BAZ2B: variants seen among roughly 807,000 people sequenced by gnomAD.
BAZ2B encodes the protein bromodomain adjacent to zinc finger domain 2B.
A neutral mutation model predicts 246.0 loss-of-function variants in BAZ2B; 91 were observed. That is an observed-to-expected ratio of 0.37 (90% CI 0.31 to 0.44). BAZ2B has a LOEUF of 0.44. BAZ2B is among the 20% of genes least tolerant of loss of function. The pLI, the probability that BAZ2B is intolerant of heterozygous loss-of-function variation, is 1.00. For synonymous variants in BAZ2B, 855 were observed against 860.0 expected (o/e 0.99, Z 0.10); for missense variants, 2,332 against 2,533.7 (o/e 0.92, Z 1.71).
chr2:159,416,246 A>G (rs1389362643), intron 13 of BAZ2B, among the ~76,000 whole-genome samples: 1 of 152,230 alleles, frequency 6.6e-6, no homozygotes, highest in African/African-American at 2.4e-5. Flanking sequence ...AATTTTAAAA[A>G]TTAATTCTGA....
intron 27 of BAZ2B, among the ~76,000 whole-genome samples, chr2:159,368,735 T>A (rs1199741053): frequency 6.6e-6 from 1 of 151,990 alleles, no homozygotes; most frequent in African/African-American, 2.4e-5. Context: ...GAAGAATTCA[T>A]ATACAGCTTA....
intron 1 of BAZ2B, among the ~76,000 whole-genome samples, chr2:159,583,370 C>T (rs748514713): frequency 3.3e-5 from 5 of 152,202 alleles, no homozygotes; most frequent in Non-Finnish European, 5.9e-5. Context: ...CTGCCTCAGC[C>T]TCCCAAAGTG....
In BAZ2B at chr2:159,354,477, A is replaced by G. The variant is rs560088331; in HGVS notation, c.4214-4120T>C. Among the ~76,000 whole-genome samples, 11 of 152,140 alleles carry G rather than the reference A, an allele frequency of 7.2e-5. No individual in the cohort carries two copies. In the South Asian group the frequency reaches 2.3e-3, roughly 32 times the overall value. ...CTGATTCTCCTGCCTCAGTCTCCCA[A>G]GTAGCTGAGACTAGAGGCACGTGCC... On this transcript the variant is annotated intron_variant, in intron 27 of 36. Transcript: ENST00000392783.
chr2:159,647,375 G>A, the BAZ2B span, among the ~76,000 whole-genome samples: 1 of 152,102 alleles, frequency 6.6e-6, no homozygotes, highest in Non-Finnish European at 1.5e-5. Context: ...CAATAGTTAG[G>A]CAGGAGTCGT....
rs1242190361 is a variant in BAZ2B, at chr2:159,521,711, A to G, written c.-3+34112T>C. On this transcript the variant is annotated intron_variant, in intron 2 of 36. Transcript: ENST00000392783. ...CTTTTTATTCATCACATTTATTTTCAATGTAAATTCCAATTGTTCTGCTTC... is the reference window on the plus strand; with the variant it reads ...CTTTTTATTCATCACATTTATTTTCGATGTAAATTCCAATTGTTCTGCTTC... Among the ~76,000 whole-genome samples the G allele has an allele frequency of 7.2e-5, 11 of 152,184 alleles. No homozygotes were observed. The East Asian group carries it at 1.9e-3, about 27-fold the overall frequency.
At chr2:159,672,142 C>T in the BAZ2B span, among the ~76,000 whole-genome samples, 55 of 151,996 alleles carry the variant, frequency 3.6e-4, no homozygotes, top group African/African-American at 1.2e-3. Context: ...TTGTATAAGA[C>T]GTGAGAATAG....
chr2:159,592,712 C>T (rs1427297974), intron 1 of BAZ2B, among the ~76,000 whole-genome samples: 5 of 152,160 alleles, frequency 3.3e-5, no homozygotes, highest in Non-Finnish European at 7.4e-5. Context: ...ACTATATGAG[C>T]TTGGAAGCAG....
intron 2 of BAZ2B, among the ~76,000 whole-genome samples, chr2:159,518,829 G>A (rs1559676456): frequency 6.6e-6 from 1 of 152,156 alleles, no homozygotes; most frequent in Admixed American, 6.5e-5. Context: ...CAGCTCCTTA[G>A]CAATCAAAGT....
intron 3 of BAZ2B, among the ~76,000 whole-genome samples, chr2:159,470,138 A>G (rs187611790): frequency 4.4e-4 from 67 of 152,354 alleles, no homozygotes; most frequent in African/African-American, 1.4e-3. Context: ...TGGCTTAACT[A>G]TAAAAAAATT....
At chr2:159,488,628 T>G (rs1355184118) in intron 2 of BAZ2B, among the ~76,000 whole-genome samples, 1 of 152,228 alleles carries the variant, frequency 6.6e-6, no homozygotes, top group Non-Finnish European at 1.5e-5. Flanking sequence ...CATTGGTTTT[T>G]TATATGTTTC....
chr2:159,463,972 G>C (rs1045090058), intron 3 of BAZ2B: 4 of 71,484 alleles, frequency 5.6e-5, no homozygotes, highest in Non-Finnish European at 2.0e-4. Flanking sequence ...CCAAAGTGCT[G>C]GGATTACAAG....
intron 1 of BAZ2B, among the ~76,000 whole-genome samples, chr2:159,563,058 C>A (rs760396447): frequency 6.6e-6 from 1 of 152,060 alleles, no homozygotes; most frequent in Admixed American, 6.6e-5. Flanking sequence ...TCTAATAATA[C>A]AGCGGTCAAA....
At chr2:159,435,500 C>A (rs1178375251) in intron 8 of BAZ2B, 1 of 152,242 alleles carries the variant, frequency 6.6e-6, no homozygotes, top group Non-Finnish European at 1.5e-5. Flanking sequence ...CAACTACAGG[C>A]ACACCCCACC....
In BAZ2B at chr2:159,349,066, G is replaced by A; in HGVS notation, c.5078C>T (p.Pro1693Leu). The A allele has an allele frequency of 6.2e-7, 1 of 1,614,120 alleles. No individual in the cohort carries two copies. The highest frequency in any genetic ancestry group is 8.5e-7 in the Non-Finnish European group (1 of 1,179,992). ...PQNEKATSAQ[P>L]AAVEVAKPVD... ...TGGTTTTGCTACTTCAACAGCTGCA[G>A]GTTGAGCTGAAGTGGCCTTTTCATT... is the stretch of plus-strand genomic sequence containing the variant. The change falls in exon 29 of 37, where the codon CCT becomes CTT. Residue 1693 changes from proline to leucine, a missense_variant. Physicochemically the swap from Pro to Leu is moderately conservative, Grantham distance 98. Transcript: ENST00000392783.
At chr2:159,641,180 C>T in the BAZ2B span, among the ~76,000 whole-genome samples, 2 of 152,170 alleles carry the variant, frequency 1.3e-5, no homozygotes, top group East Asian at 1.9e-4. Flanking sequence ...ATTTACACTA[C>T]CATTAACAGT....
chr2:159,523,507 C>G (rs1032980987), intron 2 of BAZ2B, among the ~76,000 whole-genome samples: 1 of 152,050 alleles, frequency 6.6e-6, no homozygotes, highest in Non-Finnish European at 1.5e-5. Context: ...AGTTCGAGAC[C>G]AGCCTGGCCA....
chr2:159,372,690 T>C (rs2060981293), intron 27 of BAZ2B, among the ~76,000 whole-genome samples: 1 of 152,252 alleles, frequency 6.6e-6, no homozygotes, highest in Non-Finnish European at 1.5e-5. Context: ...ACTGTCAGGA[T>C]GTATGCTTAT....
At chr2:159,342,356 T>G (rs1429328887) in intron 31 of BAZ2B, among the ~76,000 whole-genome samples, 1 of 152,154 alleles carries the variant, frequency 6.6e-6, no homozygotes, top group Non-Finnish European at 1.5e-5. Context: ...AGAGCCCAAA[T>G]AGCCAAGGCA....
Position 159,519,236 on chromosome 2 carries a change from T to TTTTTTTTTTTTTTTA in BAZ2B, c.-3+36586_-3+36587insTAAAAAAAAAAAAAA, listed in dbSNP as rs1553692833. 5.1e-4 allele frequency among the ~76,000 whole-genome samples: 36 copies of TTTTTTTTTTTTTTTA among 70,612 alleles called. 1 individual carries two copies. Among genetic ancestry groups the TTTTTTTTTTTTTTTA allele is most frequent in the Non-Finnish European group, 8.9e-4 (32 of 35,890 alleles). The allele number at this position is 70,612 out of a possible 152,430, so 46.3% of individuals were successfully genotyped here. ...TTTTTTTTTTTTTTTTTTTTTTTTT[T>TTTTTTTTTTTTTTTA]TTTTGAGACGGAGTCTCGCTCTGTC... On this transcript the variant is annotated intron_variant, in intron 2 of 36. Transcript: ENST00000392783.
Sources: gnomAD v4.1 joint callset for allele counts (sites outside exome capture counted in the v4.1 genomes callset) on GRCh38, gnomAD v4.1.1 for gene constraint, MANE v1.5 for transcripts, NCBI Gene and HGNC (gene_info 2026-07-23, HGNC 2026-07-21) for gene names.